VRK1: variants seen among roughly 807,000 people sequenced by gnomAD.
The protein encoded by VRK1 is serine/threonine-protein kinase VRK1.
Under a neutral mutation model 57.1 loss-of-function variants are expected in VRK1, and 33 were observed. The observed-to-expected ratio is 0.58, with a 90% CI of 0.44 to 0.77. VRK1 has a LOEUF of 0.77. Among genes scored for constraint, VRK1 ranks in the 30% least tolerant of loss-of-function variants. The probability of loss-of-function intolerance (pLI) is 0.00; values close to 1 mark genes in which losing one functional copy is unlikely to be tolerated. For missense variants in VRK1, 413 were observed against 477.3 expected (o/e 0.87, Z 1.25); for synonymous variants, 137 against 147.8 (o/e 0.93, Z 0.53).
At chr14:96,836,412 C>T (rs556775494) in intron 2 of VRK1, among the ~76,000 whole-genome samples, 1 of 151,960 alleles carries the variant, frequency 6.6e-6, no homozygotes, top group Non-Finnish European at 1.5e-5. Flanking sequence ...CGTGTTTGTT[C>T]CCTGCTGCTT....
chr14:96,800,946 G>A (rs981326558), intron 1 of VRK1, among the ~76,000 whole-genome samples: 2 of 152,016 alleles, frequency 1.3e-5, no homozygotes, highest in Admixed American at 1.3e-4. Flanking sequence ...GATAATGGAA[G>A]GACACGTGTC....
Position 96,855,721 on chromosome 14 carries a change from G to GTTATAA in VRK1, c.709+368_709+369insTAATTA, listed in dbSNP as rs1316306947. ...ACAGCTAACTTTTATTTTGTTACCT[G>GTTATAA]TTAAGTTAGTTTATTTCTTCAGCAG... On this transcript the variant is annotated intron_variant, in intron 8 of 12. Transcript: ENST00000216639. Among the ~76,000 whole-genome samples, 7 of 152,112 alleles carry GTTATAA rather than the reference G, an allele frequency of 4.6e-5. No homozygotes were observed. The East Asian group carries it at 1.2e-3, about 25-fold the overall frequency.
At chr14:96,797,553 G>A (rs1885480708) in intron 1 of VRK1, 106 bp downstream of exon 1, 1 of 151,850 alleles carries the variant, frequency 6.6e-6, no homozygotes, top group Admixed American at 6.6e-5. Flanking sequence ...CGGGCGGCCT[G>A]TGGGTCCACC....
chr14:96,815,470 A>G (rs1182350389), intron 1 of VRK1, among the ~76,000 whole-genome samples: 1 of 152,198 alleles, frequency 6.6e-6, no homozygotes, highest in East Asian at 1.9e-4. Context: ...TTCTCTGAAG[A>G]TACCTTATAT....
chr14:96,860,355 A>T (rs545058398), intron 10 of VRK1, among the ~76,000 whole-genome samples: 1 of 152,232 alleles, frequency 6.6e-6, no homozygotes, highest in African/African-American at 2.4e-5. Context: ...TTTACATTGT[A>T]TCTCAAAATA....
intron 12 of VRK1, among the ~76,000 whole-genome samples, chr14:96,878,670 T>C (rs1403230977): frequency 6.6e-6 from 1 of 152,138 alleles, no homozygotes; most frequent in Non-Finnish European, 1.5e-5. Flanking sequence ...ATGTGTATTG[T>C]GTAGGTTTTC....
intron 1 of VRK1, among the ~76,000 whole-genome samples, chr14:96,802,023 GA>G (rs997752655): frequency 6.6e-6 from 1 of 152,160 alleles, no homozygotes; most frequent in East Asian, 1.9e-4. Flanking sequence ...TGGGAATCAG[GA>G]AAAAAGTTTT....
At chr14:96,815,720 TAA>T (rs546026263) in intron 1 of VRK1, among the ~76,000 whole-genome samples, 1 of 141,696 alleles carries the variant, frequency 7.1e-6, no homozygotes, top group Non-Finnish European at 1.6e-5. Context: ...CTCACTCTAC[TAA>T]AAAAAAAAAG....
chr14:96,838,251 T>G (rs1595664150), intron 3 of VRK1, among the ~76,000 whole-genome samples: 1 of 152,164 alleles, frequency 6.6e-6, no homozygotes, highest in African/African-American at 2.4e-5. Flanking sequence ...TTTTAGTAAA[T>G]TAAATTATTT....
chr14:96,881,078 A>G (rs1284112185), intron 12 of VRK1, 99 bp from the exon 13 acceptor site: 1 of 1,049,812 alleles, frequency 9.5e-7, no homozygotes, highest in African/African-American at 1.6e-5. Flanking sequence ...ATTTGATTTT[A>G]AAATGTTAAT....
At chr14:96,821,950 G>A (rs894685325) in intron 1 of VRK1, among the ~76,000 whole-genome samples, 1 of 150,008 alleles carries the variant, frequency 6.7e-6, no homozygotes, top group African/African-American at 2.5e-5. Flanking sequence ...TAGAGCATCT[G>A]TGTGGCTAGA....
chr14:96,875,953 C>T, intron 11 of VRK1, 77 bp from the exon 12 acceptor site: 1 of 1,474,698 alleles, frequency 6.8e-7, no homozygotes, highest in Non-Finnish European at 9.4e-7. Context: ...TACACACACA[C>T]AGACAAATAT....
chr14:96,848,177 TTC>T (rs1887789255), intron 5 of VRK1, among the ~76,000 whole-genome samples: 1 of 152,182 alleles, frequency 6.6e-6, no homozygotes, highest in Non-Finnish European at 1.5e-5. Flanking sequence ...CTTGGTTTTG[TTC>T]TCTGTTAGTT....
At chr14:96,825,780 C>G (rs76543734) in intron 1 of VRK1, among the ~76,000 whole-genome samples, 12,616 of 152,138 alleles carry the variant, frequency 0.083, 684 homozygotes, top group Non-Finnish European at 0.13. Flanking sequence ...CCAGAATTAT[C>G]CTTGAATCAG....
intron 3 of VRK1, 96 bp downstream of exon 3, chr14:96,837,913 T>C: frequency 1.4e-6 from 1 of 739,954 alleles, no homozygotes; most frequent in Non-Finnish European, 2.1e-6. Flanking sequence ...AATTAAACCA[T>C]AAGATACTAC....
At chr14:96,842,051 TG>T (rs2139770199) in intron 3 of VRK1, among the ~76,000 whole-genome samples, 8 of 152,324 alleles carry the variant, frequency 5.3e-5, no homozygotes, top group African/African-American at 1.9e-4. Context: ...GTGTTTATTC[TG>T]TCTCTCTAAC....
At chr14:96,813,966 C>T (rs1271264974) in intron 1 of VRK1, among the ~76,000 whole-genome samples, 1 of 152,010 alleles carries the variant, frequency 6.6e-6, no homozygotes, top group Non-Finnish European at 1.5e-5. Flanking sequence ...TTATGGTTAT[C>T]CTAAGAATTA....
At chr14:96,802,839 G>T (rs528283278) in intron 1 of VRK1, among the ~76,000 whole-genome samples, 1 of 152,320 alleles carries the variant, frequency 6.6e-6, no homozygotes. Flanking sequence ...CATGTGGGTT[G>T]TTTCTGGTTT....
chr14:96,804,159 C>G (rs1474295052), intron 1 of VRK1, among the ~76,000 whole-genome samples: 1 of 152,110 alleles, frequency 6.6e-6, no homozygotes. Flanking sequence ...ACATTTAGAT[C>G]CGTGATCCTT....
Sources: gnomAD v4.1 joint callset for allele counts (sites outside exome capture counted in the v4.1 genomes callset) on GRCh38, gnomAD v4.1.1 for gene constraint, MANE v1.5 for transcripts, NCBI Gene and HGNC (gene_info 2026-07-23, HGNC 2026-07-21) for gene names.